VRK1: variants seen among roughly 807,000 people sequenced by gnomAD.
The protein encoded by VRK1 is VRK serine/threonine kinase 1.
Under a neutral mutation model 57.1 loss-of-function variants are expected in VRK1, and 33 were observed. The ratio of observed to expected loss-of-function variants is 0.58; its 90% CI spans 0.44 to 0.77. VRK1 has a LOEUF of 0.77. Among genes scored for constraint, VRK1 ranks in the 30% least tolerant of loss-of-function variants. The probability of loss-of-function intolerance (pLI) is 0.00; values close to 1 mark genes in which losing one functional copy is unlikely to be tolerated. For missense variants in VRK1, 413 were observed against 477.3 expected (o/e 0.87, Z 1.25); for synonymous variants, 137 against 147.8 (o/e 0.93, Z 0.53).
At position 96,840,924 on chromosome 14, in the gene VRK1, T is replaced by G. The variant is rs1237902749; in HGVS notation, c.216+3107T>G. Among the ~76,000 whole-genome samples the G allele has an allele frequency of 2.6e-5, 4 of 152,022 alleles. 1 individual carries two copies. The East Asian group carries it at 7.7e-4, about 29-fold the overall frequency. ...GGGCTGGAGTGCATTGGTGCAATTA[T>G]AGCTCATTGCAGCCTTGATCTCCTG... is the stretch of plus-strand genomic sequence containing the variant. On this transcript the variant is annotated intron_variant, in intron 3 of 12. Coordinates refer to ENST00000216639, the MANE Select transcript of VRK1 (RefSeq NM_003384.3).
chr14:96,837,834 C>T lies in VRK1; in HGVS notation c.216+17C>T. The T allele has an allele frequency of 1.3e-6, 2 of 1,535,658 alleles. No homozygotes were observed. The highest frequency in any genetic ancestry group is 1.3e-5 in the South Asian group (1 of 74,252). On this transcript the variant is annotated intron_variant, in intron 3 of 12. Transcript: ENST00000216639. The stretch of plus-strand genomic sequence containing the variant: ...GTAAAAGTGGTAAGAAATATTTTAG[C>T]TAATTTGTTTCTTTTCTGTTGATTT...
In VRK1 at chr14:96,797,733, G is replaced by A. The variant is rs556234971; in HGVS notation, c.-6+286G>A. Among the ~76,000 whole-genome samples the A allele has an allele frequency of 2.6e-5, 4 of 152,330 alleles. No individual in the cohort carries two copies. The South Asian group carries it at 8.3e-4, about 32-fold the overall frequency. On this transcript the variant is annotated intron_variant, in intron 1 of 12. Coordinates refer to ENST00000216639, the MANE Select transcript of VRK1 (RefSeq NM_003384.3). ...GCCCCCATCTGAGCTCCACGTTCTG[G>A]ACGCGCGTGGTGTCGCGGCCGAGCT...
At position 96,822,120 on chromosome 14, in the gene VRK1, T is replaced by C. The variant is rs148078056; in HGVS notation, c.-5-11347T>C. 7.9e-4 allele frequency among the ~76,000 whole-genome samples: 119 copies of C among 151,442 alleles called. 2 individuals are homozygous for C. Among genetic ancestry groups the C allele is most frequent in the Non-Finnish European group, 2.4e-4 (16 of 67,898 alleles). ...CTTAGCCCTTATACCATTGGACATA[T>C]GACATGTTTTAATTTTTAGAAAATT... On this transcript the variant is annotated intron_variant, in intron 1 of 12. Coordinates refer to ENST00000216639, the MANE Select transcript of VRK1 (RefSeq NM_003384.3).
chr14:96,875,586 C>T (rs926510352), intron 11 of VRK1, among the ~76,000 whole-genome samples: 2 of 152,190 alleles, frequency 1.3e-5, no homozygotes, highest in African/African-American at 4.8e-5. Flanking sequence ...GCAAGACATA[C>T]ATTTTTTCCA....
At chr14:96,852,273 A>G (rs998561011) in intron 5 of VRK1, among the ~76,000 whole-genome samples, 2 of 152,184 alleles carry the variant, frequency 1.3e-5, no homozygotes, top group Non-Finnish European at 2.9e-5. Context: ...ATGTTTTTTC[A>G]GGATATTTGT....
intron 3 of VRK1, among the ~76,000 whole-genome samples, chr14:96,840,370 G>A (rs747917329): frequency 1.3e-5 from 2 of 152,052 alleles, no homozygotes; most frequent in Non-Finnish European, 2.9e-5. Context: ...CTATTCCCTC[G>A]TGCAGGGAAG....
intron 5 of VRK1, among the ~76,000 whole-genome samples, chr14:96,852,525 T>A (rs1887990548): frequency 6.6e-6 from 1 of 152,200 alleles, no homozygotes; most frequent in South Asian, 2.1e-4. Flanking sequence ...TTTATTCAGC[T>A]TGTTTTATTT....
chr14:96,848,350 T>C (rs1344488956), intron 5 of VRK1, among the ~76,000 whole-genome samples: 2 of 152,206 alleles, frequency 1.3e-5, no homozygotes, highest in Non-Finnish European at 2.9e-5. Flanking sequence ...TCTCACGTTT[T>C]CTTGGTCAGA....
At chr14:96,846,997 AT>A (rs1381600134) in intron 4 of VRK1, among the ~76,000 whole-genome samples, 1 of 152,094 alleles carries the variant, frequency 6.6e-6, no homozygotes, top group African/African-American at 2.4e-5. Context: ...TGTAGTTTTG[AT>A]TTAAAAAAAA....
At chr14:96,801,955 A>T (rs1484822608) in intron 1 of VRK1, among the ~76,000 whole-genome samples, 1 of 152,144 alleles carries the variant, frequency 6.6e-6, no homozygotes, top group Non-Finnish European at 1.5e-5. Flanking sequence ...CACAGTTCAC[A>T]CTCATGTTGT....
chr14:96,864,672 A>G (rs1320239626), intron 11 of VRK1, among the ~76,000 whole-genome samples: 2 of 152,084 alleles, frequency 1.3e-5, no homozygotes, highest in Non-Finnish European at 2.9e-5. Flanking sequence ...GTTTGTAGAT[A>G]TTGCCAATTT....
chr14:96,860,315 T>C (rs1888335250), intron 10 of VRK1, among the ~76,000 whole-genome samples: 1 of 152,130 alleles, frequency 6.6e-6, no homozygotes. Flanking sequence ...TTTTAAGTTG[T>C]CTTGTTTCTC....
At chr14:96,864,610 T>G (rs905724636) in intron 11 of VRK1, among the ~76,000 whole-genome samples, 1 of 152,126 alleles carries the variant, frequency 6.6e-6, no homozygotes, top group African/African-American at 2.4e-5. Context: ...TATTTCAGAT[T>G]GGGTCTGTAC....
At chr14:96,874,507 C>T (rs907971094) in intron 11 of VRK1, among the ~76,000 whole-genome samples, 4 of 152,156 alleles carry the variant, frequency 2.6e-5, no homozygotes, top group African/African-American at 9.7e-5. Context: ...GCATTCTCCC[C>T]TTTTCTCATC....
At chr14:96,834,464 T>A (rs1887136699) in intron 2 of VRK1, among the ~76,000 whole-genome samples, 1 of 152,148 alleles carries the variant, frequency 6.6e-6, no homozygotes, top group Non-Finnish European at 1.5e-5. Context: ...AATCAGAAAC[T>A]GTAGGGAGAG....
chr14:96,848,048 T>A (rs1312459748), intron 5 of VRK1, among the ~76,000 whole-genome samples: 3 of 152,302 alleles, frequency 2.0e-5, no homozygotes, highest in Middle Eastern at 6.8e-3. Flanking sequence ...ACGGGTAGAT[T>A]TAGTTTGGAA....
intron 1 of VRK1, among the ~76,000 whole-genome samples, chr14:96,824,119 A>C (rs1886710850): frequency 6.6e-6 from 1 of 152,206 alleles, no homozygotes; most frequent in Non-Finnish European, 1.5e-5. Context: ...TGAGTAGCAC[A>C]TTTTTAAATA....
intron 1 of VRK1, among the ~76,000 whole-genome samples, chr14:96,798,884 C>G (rs76425572): frequency 0.011 from 1,630 of 152,330 alleles, 24 homozygotes; most frequent in South Asian, 0.056. Flanking sequence ...GGGAATGTAA[C>G]TTAAGTAGTC....
In VRK1 at chr14:96,860,574, A is replaced by G. The variant is rs1178345471; in HGVS notation, c.907A>G (p.Met303Val). The change falls in exon 11 of 13, where the codon ATG (methionine) becomes GTG (valine). Residue 303 changes from methionine to valine, a missense_variant. Physicochemically the swap from Met to Val is conservative, Grantham distance 21. Coordinates refer to ENST00000216639, the MANE Select transcript of VRK1 (RefSeq NM_003384.3). Reference protein sequence around the residue: ...KNKPGEIAKYMETVKLLDYTE... With the variant: ...KNKPGEIAKYVETVKLLDYTE... The stretch of plus-strand genomic sequence containing the variant: ...TCTTTTAGGTGAAATTGCCAAATAC[A>G]TGGAAACAGTGAAATTACTAGACTA... 1 of 1,612,940 alleles carries G rather than the reference A, an allele frequency of 6.2e-7. No individual in the cohort carries two copies. Among genetic ancestry groups the G allele is most frequent in the South Asian group, 1.1e-5 (1 of 90,990 alleles).
Sources: allele counts gnomAD v4.1 joint callset (sites outside exome capture counted in the v4.1 genomes callset), GRCh38; gene constraint gnomAD v4.1.1; transcripts MANE v1.5; gene names NCBI Gene and HGNC (gene_info 2026-07-23, HGNC 2026-07-21).